OPCML: variants seen among roughly 807,000 people sequenced by gnomAD.
The protein encoded by OPCML is opioid-binding protein/cell adhesion molecule.
OPCML carries 13 observed loss-of-function variants against 37.8 expected under a neutral mutation model. The observed-to-expected ratio is 0.34, with a 90% CI of 0.22 to 0.55. The LOEUF is 0.55. Ranked by LOEUF, OPCML falls within the 20% of genes least tolerant of loss-of-function variation. The pLI is 0.91. For synonymous variants in OPCML, 176 were observed against 168.8 expected (o/e 1.04, Z -0.33); for missense variants, 341 against 435.6 (o/e 0.78, Z 1.93).
At chr11:133,149,513 C>T (rs1337044100) in intron 1 of OPCML, among the ~76,000 whole-genome samples, 1 of 152,214 alleles carries the variant, frequency 6.6e-6, no homozygotes, top group African/African-American at 2.4e-5. Context: ...CTCCTCTTTT[C>T]CATCCCTTCT....
At chr11:133,284,868 T>C (rs1344290072) in intron 1 of OPCML, among the ~76,000 whole-genome samples, 3 of 151,942 alleles carry the variant, frequency 2.0e-5, no homozygotes. Flanking sequence ...CTGTTATAAG[T>C]AAAATGCCAG....
chr11:133,037,347 T>C (rs184643141), intron 1 of OPCML, among the ~76,000 whole-genome samples: 237 of 152,320 alleles, frequency 1.6e-3, no homozygotes, highest in African/African-American at 5.4e-3. Context: ...TTCTTTATCT[T>C]GCATGGTACT....
At chr11:132,425,373 G>A (rs1285709731) in intron 7 of OPCML, among the ~76,000 whole-genome samples, 2 of 152,180 alleles carry the variant, frequency 1.3e-5, no homozygotes, top group African/African-American at 4.8e-5. Flanking sequence ...ATAGTCTTAA[G>A]AGCATTGATT....
chr11:132,904,267 T>C (rs1944159621), intron 2 of OPCML, among the ~76,000 whole-genome samples: 1 of 152,210 alleles, frequency 6.6e-6, no homozygotes, highest in Non-Finnish European at 1.5e-5. Context: ...AGAATGCATT[T>C]CTATCTAATA....
chr11:132,692,695 A>G (rs1215071502), intron 2 of OPCML, among the ~76,000 whole-genome samples: 1 of 152,228 alleles, frequency 6.6e-6, no homozygotes, highest in Non-Finnish European at 1.5e-5. Context: ...ACGTGGTTAG[A>G]ATGGTGTCTG....
intron 1 of OPCML, among the ~76,000 whole-genome samples, chr11:133,342,659 A>T (rs181236240): frequency 1.3e-5 from 2 of 152,276 alleles, no homozygotes; most frequent in Admixed American, 1.3e-4. Flanking sequence ...GGCAGTCTAC[A>T]GGCAGCGGAC....
rs59775391 is a variant in OPCML, at chr11:132,585,403, G to GAA, written c.380-56219_380-56218dup. 1.7e-4 allele frequency among the ~76,000 whole-genome samples: 25 copies of GAA among 148,596 alleles called. No homozygotes were observed. The South Asian group carries it at 1.7e-3, about 10-fold the overall frequency. The stretch of plus-strand genomic sequence containing the variant: ...ATTTCCTGTTTTCAGAATAAAAAAA[G>GAA]AAAAAAAAAACTGGTCTCTTTTGGG... On this transcript the variant is annotated intron_variant, in intron 3 of 7. Coordinates refer to ENST00000524381, the MANE Select transcript of OPCML (RefSeq NM_001012393.5).
At chr11:133,270,789 C>T (rs940639357) in intron 1 of OPCML, among the ~76,000 whole-genome samples, 1 of 152,090 alleles carries the variant, frequency 6.6e-6, no homozygotes, top group Middle Eastern at 3.2e-3. Context: ...TGACTCATTC[C>T]AAGTCCAGAA....
intron 2 of OPCML, among the ~76,000 whole-genome samples, chr11:132,858,927 G>A (rs181933171): frequency 2.0e-5 from 3 of 152,154 alleles, no homozygotes; most frequent in Non-Finnish European, 4.4e-5. Flanking sequence ...GTGTGTGTGT[G>A]TATACTTGGA....
At chr11:133,052,066 A>G (rs186348461) in intron 1 of OPCML, among the ~76,000 whole-genome samples, 103 of 152,302 alleles carry the variant, frequency 6.8e-4, no homozygotes, top group Admixed American at 5.4e-3. Flanking sequence ...GGACATCACA[A>G]AGAGATTTGA....
intron 2 of OPCML, among the ~76,000 whole-genome samples, chr11:132,765,942 T>C (rs1017017442): frequency 3.3e-5 from 5 of 152,032 alleles, no homozygotes; most frequent in African/African-American, 1.2e-4. Context: ...AGAAAGAAAA[T>C]GTGCAAAAAA....
intron 2 of OPCML, among the ~76,000 whole-genome samples, chr11:132,682,254 G>A (rs1942980529): frequency 6.6e-6 from 1 of 152,286 alleles, no homozygotes; most frequent in Non-Finnish European, 1.5e-5. Flanking sequence ...AGGCGTCAGG[G>A]AAAATTTCCT....
At chr11:133,168,052 T>C (rs1950237094) in intron 1 of OPCML, among the ~76,000 whole-genome samples, 1 of 152,172 alleles carries the variant, frequency 6.6e-6, no homozygotes, top group African/African-American at 2.4e-5. Context: ...GTCAATGAAT[T>C]CCCATGGGAA....
intron 1 of OPCML, among the ~76,000 whole-genome samples, chr11:133,239,661 G>T (rs542280279): frequency 6.6e-6 from 1 of 152,348 alleles, no homozygotes. Flanking sequence ...CCATGGCGCG[G>T]TGTGACATCC....
At chr11:133,361,143 G>GACC (rs1160322028) in intron 1 of OPCML, 1 of 152,364 alleles carries the variant, frequency 6.6e-6, no homozygotes, top group Non-Finnish European at 1.5e-5. Context: ...CCCACCGCTT[G>GACC]ACCACCAAGC....
intron 4 of OPCML, among the ~76,000 whole-genome samples, chr11:132,513,341 AACTATTTT>A (rs1374052034): frequency 2.0e-5 from 3 of 152,164 alleles, no homozygotes; most frequent in African/African-American, 7.2e-5. Flanking sequence ...AGCAACATTC[AACTATTTT>A]ACTACCTGTT....
At chr11:132,714,416 A>T (rs1439368425) in intron 2 of OPCML, among the ~76,000 whole-genome samples, 1 of 152,214 alleles carries the variant, frequency 6.6e-6, no homozygotes, top group Non-Finnish European at 1.5e-5. Flanking sequence ...ACAGAGTAGA[A>T]AGTTCACACT....
chr11:133,346,750 GATTA>G, intron 1 of OPCML, among the ~76,000 whole-genome samples: 1 of 152,290 alleles, frequency 6.6e-6, no homozygotes, highest in Non-Finnish European at 1.5e-5. Flanking sequence ...CCACTTGTTT[GATTA>G]ATTAATTTAA....
chr11:133,187,389 C>T (rs1286972438), intron 1 of OPCML, among the ~76,000 whole-genome samples: 1 of 152,066 alleles, frequency 6.6e-6, no homozygotes, highest in Non-Finnish European at 1.5e-5. Flanking sequence ...TGGGATGATC[C>T]ACTCTGCAGT....
Sources: allele counts gnomAD v4.1 joint callset (sites outside exome capture counted in the v4.1 genomes callset), GRCh38; gene constraint gnomAD v4.1.1; transcripts MANE v1.5; gene names NCBI Gene and HGNC (gene_info 2026-07-23, HGNC 2026-07-21).